The following GPR149 variants were observed in gnomAD, a reference collection of about 807,000 sequenced individuals.
The protein encoded by GPR149 is probable G protein-coupled receptor 149.
GPR149 carries 50 observed loss-of-function variants against 50.2 expected under a neutral mutation model. The observed-to-expected ratio is 1.00, with a 90% CI of 0.79 to 1.26. The LOEUF is 1.26. Ranked by LOEUF, GPR149 falls within the 50% of genes most tolerant of loss-of-function variation. The pLI, the probability that GPR149 is intolerant of heterozygous loss-of-function variation, is 0.00. For synonymous variants in GPR149, 405 were observed against 358.2 expected, an observed-to-expected ratio of 1.13 and a Z score of -1.48; for missense variants, 983 against 895.4, an observed-to-expected ratio of 1.10 and a Z score of -1.25.
At chr3:154,411,242 C>T (rs4374493) in intron 3 of GPR149, among the ~76,000 whole-genome samples, 1 of 152,120 alleles carries the variant, frequency 6.6e-6, no homozygotes, top group Admixed American at 6.6e-5. Context: ...CAAAAATTCT[C>T]AAAGAACACA....
intron 3 of GPR149, among the ~76,000 whole-genome samples, chr3:154,414,580 A>G (rs1711935124): frequency 6.6e-6 from 1 of 152,026 alleles, no homozygotes; most frequent in Admixed American, 6.6e-5. Flanking sequence ...GGGGAAAAAT[A>G]GAAACTTTAC....
At chr3:154,354,233 C>T in intron 3 of GPR149, 1 of 488,964 alleles carries the variant, frequency 2.0e-6, no homozygotes, top group Non-Finnish European at 3.9e-6. Context: ...CCTTGACTTC[C>T]TTCTGTCACT....
At chr3:154,412,470 T>A (rs1711863636) in intron 3 of GPR149, among the ~76,000 whole-genome samples, 1 of 152,042 alleles carries the variant, frequency 6.6e-6, no homozygotes, top group African/African-American at 2.4e-5. Context: ...GTAAATAAAT[T>A]CTGCAAAGTT....
rs1001300919 is a variant in GPR149, at chr3:154,391,238, C to T, written c.1623+29801G>A. 1.7e-4 allele frequency among the ~76,000 whole-genome samples: 26 copies of T among 149,480 alleles called. 1 individual carries two copies. The highest frequency in any genetic ancestry group is 2.5e-4 in the Non-Finnish European group (17 of 67,504). On this transcript the variant is annotated intron_variant, in intron 3 of 3. Coordinates refer to ENST00000389740, the MANE Select transcript of GPR149 (RefSeq NM_001038705.3). ...GTCAAAAGTACTGAAATAATTATAACCATAAAATGTGTTAATTGATACACA... is the reference window on the plus strand; with the variant it reads ...GTCAAAAGTACTGAAATAATTATAATCATAAAATGTGTTAATTGATACACA...
chr3:154,358,884 A>T (rs1714314067), intron 3 of GPR149, among the ~76,000 whole-genome samples: 1 of 152,070 alleles, frequency 6.6e-6, no homozygotes, highest in African/African-American at 2.4e-5. Context: ...TGTATATATA[A>T]TGTATAGTTA....
chr3:154,428,406 C>T (rs984402643), intron 1 of GPR149, among the ~76,000 whole-genome samples: 2 of 152,192 alleles, frequency 1.3e-5, no homozygotes, highest in African/African-American at 2.4e-5. Flanking sequence ...ATCCCCATGC[C>T]CCTGACTTTT....
chr3:154,369,686 CAGA>C (rs1263526711), intron 3 of GPR149, among the ~76,000 whole-genome samples: 1 of 152,250 alleles, frequency 6.6e-6, no homozygotes, highest in Non-Finnish European at 1.5e-5. Context: ...TTCTCACTCT[CAGA>C]TTTAAAACAA....
At position 154,338,109 on chromosome 3, in the gene GPR149, T is replaced by C. The variant is rs1713699036; in HGVS notation, c.1786A>G (p.Ser596Gly). 6.2e-7 allele frequency: 1 copy of C among 1,614,062 alleles called. No homozygotes were observed. Among genetic ancestry groups the C allele is most frequent in the Non-Finnish European group, 8.5e-7 (1 of 1,180,034 alleles). Reference sequence around the variant, plus strand: ...TCTGAGTTTGGTTCATGGCCAACACTTTTGGATCGATAGACTTCTATTTTC... The same window carrying C: ...TCTGAGTTTGGTTCATGGCCAACACCTTTGGATCGATAGACTTCTATTTTC... ...SKKIEVYRSK[S>G]VGHEPNSEDS... is the part of the protein sequence containing the mutation. Residue 596 changes from serine to glycine, a missense_variant, in exon 4 of 4, where the codon AGT becomes GGT. By Grantham distance (56) the Ser-to-Gly change is moderately conservative (BLOSUM62 0). Transcript: ENST00000389740.
chr3:154,385,763 G>T (rs570802449), intron 3 of GPR149, among the ~76,000 whole-genome samples: 1 of 148,654 alleles, frequency 6.7e-6, no homozygotes, highest in South Asian at 2.1e-4. Context: ...GTGCAGTGGC[G>T]CCATCTTGGC....
At chr3:154,413,942 G>GTATATATATATATA (rs3038651) in intron 3 of GPR149, among the ~76,000 whole-genome samples, 25 of 147,994 alleles carry the variant, frequency 1.7e-4, no homozygotes, top group South Asian at 2.1e-4. Context: ...AGAAATTGTA[G>GTATATATATATATA]TATATATATA....
intron 3 of GPR149, among the ~76,000 whole-genome samples, chr3:154,393,950 G>T (rs1343943371): frequency 6.6e-6 from 1 of 151,948 alleles, no homozygotes; most frequent in African/African-American, 2.4e-5. Context: ...TTCCATGTTT[G>T]TGTTGGAACT....
chr3:154,368,542 G>A (rs1484935511), intron 3 of GPR149, among the ~76,000 whole-genome samples: 1 of 152,162 alleles, frequency 6.6e-6, no homozygotes, highest in African/African-American at 2.4e-5. Flanking sequence ...CTTCCTTAGG[G>A]CCTCTCAAGT....
intron 3 of GPR149, among the ~76,000 whole-genome samples, chr3:154,393,958 A>T (rs1715229571): frequency 6.6e-6 from 1 of 152,028 alleles, no homozygotes; most frequent in Admixed American, 6.6e-5. Context: ...TTGTGTTGGA[A>T]CTTAATATTG....
chr3:154,402,069 G>A (rs2108418676), intron 3 of GPR149, among the ~76,000 whole-genome samples: 1 of 152,230 alleles, frequency 6.6e-6, no homozygotes, highest in South Asian at 2.1e-4. Flanking sequence ...GAAAGTATTT[G>A]TGAATATTAA....
chr3:154,400,140 CTG>C (rs1347275808), intron 3 of GPR149, among the ~76,000 whole-genome samples: 1 of 151,830 alleles, frequency 6.6e-6, no homozygotes, highest in African/African-American at 2.4e-5. Flanking sequence ...GCGCCCGCCA[CTG>C]CGCCCGGCTA....
intron 3 of GPR149, among the ~76,000 whole-genome samples, chr3:154,356,624 G>C (rs1180785414): frequency 1.3e-5 from 2 of 152,234 alleles, no homozygotes; most frequent in South Asian, 2.1e-4. Flanking sequence ...CAACTTACAA[G>C]GGATGTGAAG....
intron 3 of GPR149, among the ~76,000 whole-genome samples, chr3:154,400,709 C>T (rs1293671868): frequency 6.6e-6 from 1 of 152,128 alleles, no homozygotes; most frequent in East Asian, 1.9e-4. Flanking sequence ...GTTGTAAAGC[C>T]ACCCTCCTAA....
chr3:154,427,525 C>T lies in GPR149; in HGVS notation c.1165G>A (p.Gly389Arg). 6.2e-7 allele frequency: 1 copy of T among 1,602,314 alleles called. No homozygotes were observed. Among genetic ancestry groups the T allele is most frequent in the Non-Finnish European group, 8.5e-7 (1 of 1,176,200 alleles). ...RQNAYAVASD[G>R]KKIKRKGFEF... ...AGTGTTGAGGACTTACTTTTTTTCCCATCGGACGCCACTGCATATGCGTTC... is the reference window on the plus strand; with the variant it reads ...AGTGTTGAGGACTTACTTTTTTTCCTATCGGACGCCACTGCATATGCGTTC... Residue 389 changes from glycine (G) to arginine (R), a missense_variant, in exon 2 of 4, where the codon GGG becomes AGG. Coordinates refer to ENST00000389740, the MANE Select transcript of GPR149 (RefSeq NM_001038705.3).
At chr3:154,362,065 G>A (rs1286070014) in intron 3 of GPR149, among the ~76,000 whole-genome samples, 1 of 151,996 alleles carries the variant, frequency 6.6e-6, no homozygotes, top group Non-Finnish European at 1.5e-5. Flanking sequence ...AAAGACAGGT[G>A]GATCATGAGG....
Sources: allele counts gnomAD v4.1 joint callset (sites outside exome capture counted in the v4.1 genomes callset), GRCh38; gene constraint gnomAD v4.1.1; transcripts MANE v1.5; gene names NCBI Gene and HGNC (gene_info 2026-07-23, HGNC 2026-07-21).